Variants in ADGRV1 observed in about 807,000 individuals in gnomAD.
ADGRV1 encodes G-protein coupled receptor 98.
In ADGRV1, 359 loss-of-function variants were observed where a neutral mutation model predicts 596.2. That is an observed-to-expected ratio of 0.60 (90% CI 0.55 to 0.66). The LOEUF is 0.66. Among genes scored for constraint, ADGRV1 ranks in the 30% least tolerant of loss-of-function variants. ADGRV1 has a pLI of 0.00. For synonymous variants in ADGRV1, 2,681 were observed against 2,679.2 expected, an observed-to-expected ratio of 1.00 and a Z score of -0.02; for missense variants, 7,274 against 7,575.6, an observed-to-expected ratio of 0.96 and a Z score of 1.48.
At chr5:91,027,144 A>AACACACACACACACACACACAC (rs1184010778) in intron 85 of ADGRV1, among the ~76,000 whole-genome samples, 4 of 129,218 alleles carry the variant, frequency 3.1e-5, no homozygotes, top group East Asian at 2.3e-4. Context: ...ACAGTCTCAA[A>AACACACACACACACACACACAC]ACACACACAC....
intron 5 of ADGRV1, among the ~76,000 whole-genome samples, chr5:90,623,082 T>G (rs903281904): frequency 6.6e-6 from 1 of 152,232 alleles, no homozygotes; most frequent in African/African-American, 2.4e-5. Flanking sequence ...TCATACCAGA[T>G]GGCTGCAATT....
intron 1 of ADGRV1, among the ~76,000 whole-genome samples, chr5:90,610,732 T>C (rs1049568384): frequency 6.6e-6 from 1 of 151,972 alleles, no homozygotes; most frequent in African/African-American, 2.4e-5. Flanking sequence ...CGGATAAATA[T>C]TGATGTTGAA....
chr5:90,955,534 A>G (rs961163502), intron 83 of ADGRV1, among the ~76,000 whole-genome samples: 5 of 152,210 alleles, frequency 3.3e-5, no homozygotes, highest in Admixed American at 6.5e-5. Flanking sequence ...GCAAGCACAC[A>G]GAATATATTT....
At chr5:90,689,389 G>A (rs1033085837) in intron 29 of ADGRV1, among the ~76,000 whole-genome samples, 1 of 143,084 alleles carries the variant, frequency 7.0e-6, no homozygotes, top group Non-Finnish European at 1.5e-5. Context: ...CTCAGTAGCG[G>A]CTTTCAATCT....
chr5:90,639,088 ACACACACACGCTCGCG>A, intron 11 of ADGRV1, among the ~76,000 whole-genome samples: 1 of 151,682 alleles, frequency 6.6e-6, no homozygotes, highest in South Asian at 2.1e-4. Context: ...ACACACACAC[ACACACACACGCTCGCG>A]CACACACACA....
chr5:90,657,171 G>A (rs981807917), intron 20 of ADGRV1, among the ~76,000 whole-genome samples: 2 of 150,606 alleles, frequency 1.3e-5, no homozygotes, highest in African/African-American at 4.9e-5. Flanking sequence ...CGCCTCAAGC[G>A]ATCCTCCCAT....
intron 25 of ADGRV1, among the ~76,000 whole-genome samples, chr5:90,678,328 C>G (rs2149562805): frequency 6.6e-6 from 1 of 152,000 alleles, no homozygotes; most frequent in East Asian, 1.9e-4. Flanking sequence ...ACTGCCCTTC[C>G]TATCTTCTTT....
chr5:91,102,443 T>C (rs1284929487), intron 87 of ADGRV1, 103 bp downstream of exon 87: 1 of 977,938 alleles, frequency 1.0e-6, no homozygotes, highest in Non-Finnish European at 1.5e-6. Flanking sequence ...ACAGGTGAAT[T>C]TGTGTACATA....
At chr5:90,746,344 G>A (rs188072424) in intron 52 of ADGRV1, among the ~76,000 whole-genome samples, 31 of 151,932 alleles carry the variant, frequency 2.0e-4, no homozygotes, top group Admixed American at 3.9e-4. Flanking sequence ...AGTTACTTCC[G>A]TGCCCAGATT....
intron 83 of ADGRV1, among the ~76,000 whole-genome samples, chr5:90,877,354 G>T (rs1769314005): frequency 6.6e-6 from 1 of 152,218 alleles, no homozygotes; most frequent in Non-Finnish European, 1.5e-5. Flanking sequence ...TGGAAAAGTA[G>T]AATAGTCGCC....
chr5:90,669,681 A>G (rs181353881), intron 21 of ADGRV1, among the ~76,000 whole-genome samples: 1 of 152,332 alleles, frequency 6.6e-6, no homozygotes, highest in East Asian at 1.9e-4. Flanking sequence ...AGATGTGGTT[A>G]AGTGTGGCTA....
At chr5:90,751,665 T>C (rs1755269289) in intron 53 of ADGRV1, among the ~76,000 whole-genome samples, 2 of 152,154 alleles carry the variant, frequency 1.3e-5, no homozygotes, top group African/African-American at 2.4e-5. Flanking sequence ...TAGATTAGTC[T>C]GTGTATATGG....
At chr5:90,671,873 TA>T (rs900462392) in intron 21 of ADGRV1, among the ~76,000 whole-genome samples, 1 of 152,114 alleles carries the variant, frequency 6.6e-6, no homozygotes, top group Non-Finnish European at 1.5e-5. Flanking sequence ...AGTGTTTAGA[TA>T]AAAAATTTTC....
intron 85 of ADGRV1, among the ~76,000 whole-genome samples, chr5:91,064,178 T>C (rs983547411): frequency 6.6e-6 from 1 of 152,212 alleles, no homozygotes; most frequent in African/African-American, 2.4e-5. Context: ...AGGATCTGAT[T>C]GTGCAAAGCC....
intron 86 of ADGRV1, among the ~76,000 whole-genome samples, chr5:91,086,706 C>G (rs1246319241): frequency 6.6e-6 from 1 of 152,134 alleles, no homozygotes; most frequent in Non-Finnish European, 1.5e-5. Flanking sequence ...CATTACATTG[C>G]AGGGGCCACT....
At chr5:90,749,789 A>C in intron 52 of ADGRV1, among the ~76,000 whole-genome samples, 1 of 152,228 alleles carries the variant, frequency 6.6e-6, no homozygotes, top group Non-Finnish European at 1.5e-5. Context: ...TTTGGTGAAG[A>C]ATGGTGTAGT....
chr5:90,910,889 C>T (rs1327042536), intron 83 of ADGRV1, among the ~76,000 whole-genome samples: 1 of 152,092 alleles, frequency 6.6e-6, no homozygotes, highest in African/African-American at 2.4e-5. Flanking sequence ...TCTCGTTTGA[C>T]AGTGGTGATG....
At chr5:91,101,253 G>A (rs6858916) in intron 86 of ADGRV1, among the ~76,000 whole-genome samples, 8,301 of 152,270 alleles carry the variant, frequency 0.055, 717 homozygotes, top group African/African-American at 0.19. Flanking sequence ...TCTTCTGTAT[G>A]TTTGAGATTG....
intron 28 of ADGRV1, among the ~76,000 whole-genome samples, chr5:90,685,092 T>G (rs7707123): frequency 0.033 from 5,027 of 152,260 alleles, 262 homozygotes; most frequent in African/African-American, 0.12. Context: ...ATTTTTTCCT[T>G]TTTGATAACT....
Sources: allele counts gnomAD v4.1 joint callset (sites outside exome capture counted in the v4.1 genomes callset), GRCh38; gene constraint gnomAD v4.1.1; transcripts MANE v1.5; gene names NCBI Gene and HGNC (gene_info 2026-07-23, HGNC 2026-07-21).